Variants in IQCJ observed in about 807,000 individuals in gnomAD.
IQCJ encodes the protein IQ motif containing J.
Under a neutral mutation model 11.0 loss-of-function variants are expected in IQCJ, and 9 were observed. The ratio of observed to expected loss-of-function variants is 0.82; its 90% CI spans 0.49 to 1.43. The LOEUF is 1.43. IQCJ is among the 40% of genes most tolerant of loss of function. The pLI, the probability that IQCJ is intolerant of heterozygous loss-of-function variation, is 0.00. For missense variants in IQCJ, 146 were observed against 133.2 expected (o/e 1.10, Z -0.47); for synonymous variants, 55 against 51.3 (o/e 1.07, Z -0.31).
At position 159,181,366 on chromosome 3, in the gene IQCJ, A is replaced by G. The variant is rs375589096; in HGVS notation, c.10-64477A>G. 1.1e-4 allele frequency among the ~76,000 whole-genome samples: 16 copies of G among 146,580 alleles called. No homozygotes were observed. In the East Asian group the frequency reaches 1.7e-3, roughly 16 times the overall value. On this transcript the variant is annotated intron_variant, in intron 1 of 3. Coordinates refer to ENST00000397832, the MANE Select transcript of IQCJ (RefSeq NM_001042706.3). Reference sequence around the variant, plus strand: ...GTGCTCTACTTTTGCTGGCATTCTCACTGGGCAGGAAGTCTAGCCATTCAC... The same window carrying G: ...GTGCTCTACTTTTGCTGGCATTCTCGCTGGGCAGGAAGTCTAGCCATTCAC...
intron 1 of IQCJ, among the ~76,000 whole-genome samples, chr3:159,111,853 C>G (rs1015760265): frequency 2.0e-5 from 3 of 152,076 alleles, no homozygotes; most frequent in Non-Finnish European, 2.9e-5. Context: ...TAGTGTGATG[C>G]TTGCTTAAAA....
At chr3:159,127,311 G>A (rs148122471) in intron 1 of IQCJ, among the ~76,000 whole-genome samples, 2 of 152,208 alleles carry the variant, frequency 1.3e-5, no homozygotes, top group South Asian at 4.1e-4. Context: ...CAAGGGCACA[G>A]GCTTTGGGAT....
At chr3:159,117,681 T>C (rs915768349) in intron 1 of IQCJ, among the ~76,000 whole-genome samples, 3 of 152,190 alleles carry the variant, frequency 2.0e-5, no homozygotes. Context: ...CAACGGTTCA[T>C]TCACTCAACA....
At chr3:159,187,470 G>A (rs1205634596) in intron 1 of IQCJ, among the ~76,000 whole-genome samples, 1 of 152,324 alleles carries the variant, frequency 6.6e-6, no homozygotes, top group Non-Finnish European at 1.5e-5. Flanking sequence ...GTGACTACAC[G>A]TCCTTTTCAA....
At chr3:159,255,121 C>T (rs1054942213) in intron 3 of IQCJ, among the ~76,000 whole-genome samples, 2 of 152,344 alleles carry the variant, frequency 1.3e-5, no homozygotes, top group East Asian at 1.9e-4. Flanking sequence ...CCAGGTACCA[C>T]GGTCACCCTG....
chr3:159,241,289 A>G (rs190547550), intron 1 of IQCJ, among the ~76,000 whole-genome samples: 247 of 152,038 alleles, frequency 1.6e-3, no homozygotes, highest in African/African-American at 5.8e-3. Flanking sequence ...GGTGCCTGTA[A>G]TCCCAGCTAC....
intron 1 of IQCJ, among the ~76,000 whole-genome samples, chr3:159,127,640 G>A (rs1037394081): frequency 2.0e-5 from 3 of 152,194 alleles, no homozygotes; most frequent in East Asian, 3.9e-4. Context: ...CCTGGACACA[G>A]AAAGCATAGT....
chr3:159,225,410 G>C (rs537125447), intron 1 of IQCJ, among the ~76,000 whole-genome samples: 4 of 152,126 alleles, frequency 2.6e-5, no homozygotes, highest in East Asian at 1.9e-4. Flanking sequence ...TGGCTGTAAG[G>C]GGGGAGCAGA....
chr3:159,118,422 A>G (rs1000133154), intron 1 of IQCJ, among the ~76,000 whole-genome samples: 9 of 152,342 alleles, frequency 5.9e-5, no homozygotes, highest in Middle Eastern at 3.4e-3. Flanking sequence ...CATGACCCCA[A>G]TCAATATTTA....
At chr3:159,124,819 C>T (rs1234031012) in intron 1 of IQCJ, among the ~76,000 whole-genome samples, 1 of 152,040 alleles carries the variant, frequency 6.6e-6, no homozygotes, top group Non-Finnish European at 1.5e-5. Context: ...TGTGATTTTC[C>T]ACAAAGAAGA....
At chr3:159,124,477 G>A (rs985621091) in intron 1 of IQCJ, among the ~76,000 whole-genome samples, 1 of 151,988 alleles carries the variant, frequency 6.6e-6, no homozygotes, top group Admixed American at 6.6e-5. Flanking sequence ...TTAGTCATGT[G>A]CTCCCAAGGG....
At chr3:159,151,489 C>G (rs1721215210) in intron 1 of IQCJ, among the ~76,000 whole-genome samples, 1 of 152,226 alleles carries the variant, frequency 6.6e-6, no homozygotes, top group Non-Finnish European at 1.5e-5. Context: ...CTGCTCTGGC[C>G]TGCTGTCTCC....
At chr3:159,087,196 T>C (rs1345924252) in intron 1 of IQCJ, among the ~76,000 whole-genome samples, 3 of 152,116 alleles carry the variant, frequency 2.0e-5, no homozygotes, top group African/African-American at 2.4e-5. Context: ...TTGTCTTTGG[T>C]TCTGTTTATA....
At chr3:159,125,547 G>T (rs767381019) in intron 1 of IQCJ, among the ~76,000 whole-genome samples, 1 of 152,208 alleles carries the variant, frequency 6.6e-6, no homozygotes, top group Non-Finnish European at 1.5e-5. Flanking sequence ...TGGATGTGGG[G>T]TATATGGGAA....
chr3:159,208,700 C>A (rs571438918), intron 1 of IQCJ, among the ~76,000 whole-genome samples: 13 of 152,234 alleles, frequency 8.5e-5, no homozygotes, highest in African/African-American at 3.1e-4. Flanking sequence ...TAATGGCTCC[C>A]CAAAAGATAT....
At chr3:159,230,644 C>T (rs746774030) in intron 1 of IQCJ, among the ~76,000 whole-genome samples, 1 of 152,110 alleles carries the variant, frequency 6.6e-6, no homozygotes, top group Non-Finnish European at 1.5e-5. Flanking sequence ...TCCTCCCTGA[C>T]AAGCGATGAG....
chr3:159,128,552 C>T (rs192610873), intron 1 of IQCJ, among the ~76,000 whole-genome samples: 555 of 152,304 alleles, frequency 3.6e-3, no homozygotes, highest in Middle Eastern at 0.01. Flanking sequence ...CCACAAATCC[C>T]ACACTTTTTG....
intron 1 of IQCJ, among the ~76,000 whole-genome samples, chr3:159,096,462 A>C (rs1382200355): frequency 7.7e-6 from 1 of 130,096 alleles, no homozygotes; most frequent in Non-Finnish European, 1.6e-5. Context: ...CTGAATGGTA[A>C]TGCCTAGGTT....
chr3:159,194,097 A>G (rs962267100), intron 1 of IQCJ, among the ~76,000 whole-genome samples: 3 of 152,218 alleles, frequency 2.0e-5, no homozygotes, highest in Non-Finnish European at 2.9e-5. Context: ...TAATTACCAT[A>G]CACACTTGCT....
Sources: gnomAD v4.1 joint callset for allele counts (sites outside exome capture counted in the v4.1 genomes callset) on GRCh38, gnomAD v4.1.1 for gene constraint, MANE v1.5 for transcripts, NCBI Gene and HGNC (gene_info 2026-07-23, HGNC 2026-07-21) for gene names.